The following FAT3 variants were observed in gnomAD, a reference collection of about 807,000 sequenced individuals.
FAT3 encodes the protein protocadherin Fat 3.
Under a neutral mutation model 310.2 loss-of-function variants are expected in FAT3, and 95 were observed. The ratio of observed to expected loss-of-function variants is 0.31; its 90% confidence interval spans 0.26 to 0.36. The LOEUF (loss-of-function observed/expected upper bound fraction) is 0.36, where lower values mean the gene tolerates loss of function less well. FAT3 is among the 10% of genes least tolerant of loss of function. FAT3 has a pLI of 1.00. For missense variants in FAT3, 5,408 were observed against 5,715.6 expected, an observed-to-expected ratio of 0.95 and a Z score of 1.74; for synonymous variants, 2,314 against 2,192.9, an observed-to-expected ratio of 1.06 and a Z score of -1.54.
intron 3 of FAT3, among the ~76,000 whole-genome samples, chr11:92,615,937 G>A (rs1257001811): frequency 6.6e-6 from 1 of 152,190 alleles, no homozygotes; most frequent in Non-Finnish European, 1.5e-5. Flanking sequence ...GTGGTGCTGA[G>A]AAGAATGTAT....
intron 2 of FAT3, among the ~76,000 whole-genome samples, chr11:92,422,178 CT>C (rs1370207569): frequency 6.6e-6 from 1 of 152,152 alleles, no homozygotes; most frequent in Non-Finnish European, 1.5e-5. Context: ...TCTAGTTCTC[CT>C]TCCAATGACC....
In FAT3 at chr11:92,288,786, A is replaced by T. The variant is rs562636224; in HGVS notation, c.-17-63310A>T. On this transcript the variant is annotated intron_variant, in intron 1 of 27. Coordinates refer to ENST00000525166, the MANE Select transcript of FAT3 (RefSeq NM_001367949.2). ...AAAATTCTGTCATGTGTCAGTGAGTATTCAAAAAACATTGCTAAAAAGGAG... is the reference window on the plus strand; with the variant it reads ...AAAATTCTGTCATGTGTCAGTGAGTTTTCAAAAAACATTGCTAAAAAGGAG... Among the ~76,000 whole-genome samples the T allele has an allele frequency of 1.3e-4, 20 of 152,306 alleles. 1 individual carries two copies. In the South Asian group the frequency reaches 4.1e-3, roughly 32 times the overall value.
chr11:92,655,359 TATTGAATGAATTAATGACTG>T (rs1942539819), intron 3 of FAT3, among the ~76,000 whole-genome samples: 2 of 152,326 alleles, frequency 1.3e-5, no homozygotes, highest in Admixed American at 1.3e-4. Flanking sequence ...GGACAATAAA[TATTGAATGAATTAATGACTG>T]ATTGAATGAA....
Position 92,809,823 on chromosome 11 carries a change from G to A in FAT3, c.9248-20G>A, listed in dbSNP as rs755416944. 6.3e-7 allele frequency: 1 copy of A among 1,593,228 alleles called. No individual in the cohort carries two copies. On this transcript the variant is annotated intron_variant, in intron 12 of 27. Transcript: ENST00000525166. The stretch of plus-strand genomic sequence containing the variant: ...GTTTTTAAAAACTCAGACCAATCAT[G>A]CTGCCATTTATTTTCACAGGCGAGT...
Position 92,765,079 on chromosome 11 carries a change from T to C in FAT3, c.4185T>C (p.Phe1395=). The C allele has an allele frequency of 6.2e-7, 1 of 1,612,848 alleles. No homozygotes were observed. The highest frequency in any genetic ancestry group is 8.5e-7 in the Non-Finnish European group (1 of 1,179,630). The part of the protein sequence containing the change: ...SVQPANTPLW[F]DIVGGNFDSA... ...AGCCAGCTAACACCCCTCTGTGGTT[T>C]GACATAGTTGGTAAGTTCGAGTCTT... The change falls in exon 6 of 28, where the codon TTT becomes TTC. Residue 1395 remains phenylalanine, a synonymous_variant. Transcript: ENST00000525166.
intron 1 of FAT3, among the ~76,000 whole-genome samples, chr11:92,246,117 G>C (rs868437916): frequency 2.0e-5 from 3 of 152,088 alleles, no homozygotes; most frequent in African/African-American, 7.2e-5. Flanking sequence ...AGGGACCTCT[G>C]CCAGATGGCA....
chr11:92,302,217 C>A (rs1947016814), intron 1 of FAT3, among the ~76,000 whole-genome samples: 1 of 151,922 alleles, frequency 6.6e-6, no homozygotes. Flanking sequence ...TAAAGTATTT[C>A]TTTGTAATGT....
intron 7 of FAT3, among the ~76,000 whole-genome samples, chr11:92,780,112 A>G (rs1946705956): frequency 6.6e-6 from 1 of 150,540 alleles, no homozygotes; most frequent in South Asian, 2.1e-4. Flanking sequence ...CTACACAACT[A>G]TGAGATAATC....
In FAT3 at chr11:92,799,802, C is replaced by G; in HGVS notation, c.6789C>G (p.Ala2263=). Residue 2263 remains alanine, a synonymous_variant, in exon 10 of 28, where the codon GCC becomes GCG. Transcript: ENST00000525166. ...AYKLTIRASD[A]LTGARAEVTV... ...AGCTGACAATAAGAGCCAGCGACGC[C>G]CTTACTGGTGCTAGGGCTGAAGTCA... is the stretch of plus-strand genomic sequence containing the variant. 6.2e-7 allele frequency: 1 copy of G among 1,613,076 alleles called. No individual in the cohort carries two copies. The highest frequency in any genetic ancestry group is 8.5e-7 in the Non-Finnish European group (1 of 1,179,522).
At chr11:92,490,596 A>C (rs1766051150) in intron 2 of FAT3, among the ~76,000 whole-genome samples, 2 of 152,150 alleles carry the variant, frequency 1.3e-5, no homozygotes, top group Non-Finnish European at 2.9e-5. Flanking sequence ...TTTACCTAGA[A>C]GTGATTATTA....
At chr11:92,306,655 A>T (rs1314544983) in intron 1 of FAT3, among the ~76,000 whole-genome samples, 1 of 121,376 alleles carries the variant, frequency 8.2e-6, no homozygotes, top group East Asian at 2.1e-4. Flanking sequence ...TATATATATT[A>T]TATATATATA....
rs1201462585 is a variant in FAT3 at position 92,738,715 on chromosome 11, A to AT, written c.3670-23134dup. On this transcript the variant is annotated intron_variant, in intron 4 of 27. Transcript: ENST00000525166. The stretch of plus-strand genomic sequence containing the variant: ...TAATTTTTCCTGGAAAAGTATGTAC[A>AT]TTTTTTTGTGTTATCCACCTGGATT... 5.3e-5 allele frequency among the ~76,000 whole-genome samples: 8 copies of AT among 152,264 alleles called. No individual in the cohort carries two copies. The East Asian group carries it at 9.6e-4, about 18-fold the overall frequency.
chr11:92,315,479 G>GTATATATATA (rs1168085335), intron 1 of FAT3, among the ~76,000 whole-genome samples: 107 of 65,138 alleles, frequency 1.6e-3, no homozygotes, highest in Non-Finnish European at 2.5e-3. Flanking sequence ...GTGTGTGTGT[G>GTATATATATA]TATATATATA....
intron 3 of FAT3, among the ~76,000 whole-genome samples, chr11:92,661,887 T>A (rs1283609141): frequency 1.3e-5 from 2 of 152,018 alleles, no homozygotes; most frequent in African/African-American, 2.4e-5. Flanking sequence ...AGAATCTTTG[T>A]GTTTTGTTGG....
At chr11:92,236,397 T>G (rs1044955340) in intron 1 of FAT3, among the ~76,000 whole-genome samples, 1 of 152,190 alleles carries the variant, frequency 6.6e-6, no homozygotes, top group Non-Finnish European at 1.5e-5. Context: ...CCTTTTTTTT[T>G]GTTCAATTAC....
intron 1 of FAT3, among the ~76,000 whole-genome samples, chr11:92,271,148 C>T (rs1946113321): frequency 6.6e-6 from 1 of 152,082 alleles, no homozygotes; most frequent in South Asian, 2.1e-4. Flanking sequence ...ATCAGGCTGC[C>T]TCACTTCCTT....
rs1249336074 is a variant in FAT3 at position 92,892,153 on chromosome 11, C to T, written c.*1040C>T. 6.6e-6 allele frequency: 1 copy of T among 152,066 alleles called. No individual in the cohort carries two copies. The highest frequency in any genetic ancestry group is 1.5e-5 in the Non-Finnish European group (1 of 68,032). 9.4% of individuals were successfully genotyped at this position (152,066 alleles called of 1,614,324 possible). ...TATGTTAAGAAAAGAGGAAAGTAGA[C>T]TAGTTATTGTGTATAAATTATAATA... On this transcript the variant is annotated 3_prime_UTR_variant, in exon 28 of 28. Coordinates refer to ENST00000525166, the MANE Select transcript of FAT3 (RefSeq NM_001367949.2).
chr11:92,883,279 A>G lies in FAT3; in HGVS notation c.12823A>G (p.Thr4275Ala), dbSNP rs1757156779. ...TCACCCTGAGTCGCCCCGCATCCTG[A>G]CAGCCCGGCGGGGCGTGGTCGTGTG... ...TFHPESPRIL[T>A]ARRGVVVCSV... The change falls in exon 24 of 28, where the codon ACA (threonine) becomes GCA (alanine). Residue 4275 changes from threonine to alanine, a missense_variant. Physicochemically the swap from Thr to Ala is moderately conservative, Grantham distance 58. Transcript: ENST00000525166. The surrounding 1 kb of genome is among the most constrained non-coding windows in gnomAD (Gnocchi z 4.2). The G allele has an allele frequency of 6.2e-7, 1 of 1,612,754 alleles. No individual in the cohort carries two copies. The highest frequency in any genetic ancestry group is 8.5e-7 in the Non-Finnish European group (1 of 1,179,822).
intron 3 of FAT3, among the ~76,000 whole-genome samples, chr11:92,576,422 C>T (rs1415714837): frequency 2.6e-5 from 4 of 152,050 alleles, no homozygotes; most frequent in African/African-American, 9.7e-5. Flanking sequence ...AACTTCAGTC[C>T]AAGAGGAGAG....
Sources: gnomAD v4.1 joint callset for allele counts (sites outside exome capture counted in the v4.1 genomes callset) on GRCh38, gnomAD v4.1.1 for gene constraint, Gnocchi (gnomAD v3.1) non-coding constraint, MANE v1.5 for transcripts, NCBI Gene and HGNC (gene_info 2026-07-23, HGNC 2026-07-21) for gene names.